The following ITCH variants were observed in gnomAD, a reference collection of about 807,000 sequenced individuals.
The protein encoded by ITCH is itchy E3 ubiquitin protein ligase.
Under a neutral mutation model 126.8 loss-of-function variants are expected in ITCH, and 28 were observed. The observed-to-expected ratio is 0.22, with a 90% CI of 0.16 to 0.30. The LOEUF (loss-of-function observed/expected upper bound fraction) is 0.30, where lower values mean the gene tolerates loss of function less well. Among genes scored for constraint, ITCH ranks in the 10% least tolerant of loss-of-function variants. The probability of loss-of-function intolerance (pLI) is 1.00; values close to 1 mark genes in which losing one functional copy is unlikely to be tolerated. For missense variants in ITCH, 631 were observed against 1,032.4 expected, an observed-to-expected ratio of 0.61 and a Z score of 5.33; for synonymous variants, 342 against 340.0, an observed-to-expected ratio of 1.01 and a Z score of -0.06.
intron 2 of ITCH, among the ~76,000 whole-genome samples, chr20:34,370,940 G>A (rs1336761365): frequency 2.0e-5 from 3 of 151,968 alleles, no homozygotes; most frequent in Admixed American, 6.6e-5. Context: ...AGGCCGAGGC[G>A]GGTGGATCAC....
chr20:34,501,802 A>G (rs2146556066), intron 23 of ITCH, among the ~76,000 whole-genome samples: 1 of 151,108 alleles, frequency 6.6e-6, no homozygotes, highest in Admixed American at 6.6e-5. Context: ...AAAGACAAGT[A>G]GTACTGGAAA....
At chr20:34,383,890 G>A (rs1217216786) in intron 2 of ITCH, among the ~76,000 whole-genome samples, 1 of 144,554 alleles carries the variant, frequency 6.9e-6, no homozygotes, top group African/African-American at 2.6e-5. Context: ...TGTTGTCTAG[G>A]CTGGAGTGCA....
chr20:34,457,053 A>G (rs991957894), intron 12 of ITCH, among the ~76,000 whole-genome samples: 6 of 152,112 alleles, frequency 3.9e-5, no homozygotes, highest in Admixed American at 1.3e-4. Flanking sequence ...CACCTACCCT[A>G]TGGGACTATT....
intron 2 of ITCH, among the ~76,000 whole-genome samples, chr20:34,372,076 G>A (rs2037652483): frequency 6.6e-6 from 1 of 151,956 alleles, no homozygotes; most frequent in Non-Finnish European, 1.5e-5. Flanking sequence ...GGAGGCTGAG[G>A]CGGGCGGATC....
At chr20:34,432,974 A>C (rs891847018) in intron 7 of ITCH, among the ~76,000 whole-genome samples, 1 of 151,444 alleles carries the variant, frequency 6.6e-6, no homozygotes, top group Non-Finnish European at 1.5e-5. Flanking sequence ...AAAAACAAAC[A>C]AACAAAAAAA....
chr20:34,440,618 G>A (rs749682613), intron 9 of ITCH, among the ~76,000 whole-genome samples: 6 of 151,874 alleles, frequency 4.0e-5, no homozygotes, highest in African/African-American at 9.7e-5. Context: ...TACCAAGCCC[G>A]GCTAATTTTT....
intron 3 of ITCH, among the ~76,000 whole-genome samples, chr20:34,405,773 A>T (rs1261482749): frequency 7.1e-6 from 1 of 141,602 alleles, no homozygotes; most frequent in East Asian, 2.1e-4. Flanking sequence ...GCTTTGATTT[A>T]ATAGTACTTT....
intron 13 of ITCH, among the ~76,000 whole-genome samples, chr20:34,461,760 G>A (rs1181571492): frequency 1.3e-5 from 2 of 149,992 alleles, no homozygotes; most frequent in Non-Finnish European, 3.0e-5. Context: ...GCCAGAGAAA[G>A]GATGGTGTTG....
At chr20:34,383,039 G>C (rs974756486) in intron 2 of ITCH, among the ~76,000 whole-genome samples, 2 of 151,830 alleles carry the variant, frequency 1.3e-5, no homozygotes, top group African/African-American at 4.8e-5. Context: ...ACCGCGCCCA[G>C]TCCTTTTTTA....
At chr20:34,413,245 G>A (rs780355289) in intron 5 of ITCH, among the ~76,000 whole-genome samples, 8 of 152,022 alleles carry the variant, frequency 5.3e-5, no homozygotes, top group African/African-American at 9.7e-5. Context: ...ATTTGTATAT[G>A]TATATTTATA....
chr20:34,429,614 A>G (rs985301933), intron 7 of ITCH, among the ~76,000 whole-genome samples: 1 of 152,210 alleles, frequency 6.6e-6, no homozygotes, highest in Admixed American at 6.5e-5. Context: ...AACAGATAGT[A>G]AAAACAGACT....
At chr20:34,440,838 G>A (rs138474189) in intron 9 of ITCH, among the ~76,000 whole-genome samples, 191 of 152,240 alleles carry the variant, frequency 1.3e-3, no homozygotes, top group Non-Finnish European at 1.6e-3. Context: ...TCAGGGCAAA[G>A]TGGAAAAATA....
At chr20:34,452,030 A>G (rs1354398294) in intron 12 of ITCH, among the ~76,000 whole-genome samples, 3 of 149,610 alleles carry the variant, frequency 2.0e-5, no homozygotes, top group Admixed American at 6.8e-5. Flanking sequence ...AGATTTTGCC[A>G]CTGTGCTTCA....
chr20:34,400,372 T>A (rs2038832772), intron 3 of ITCH, among the ~76,000 whole-genome samples: 1 of 152,100 alleles, frequency 6.6e-6, no homozygotes, highest in Admixed American at 6.6e-5. Flanking sequence ...TGACCTAGGA[T>A]TGCTGCTGTT....
intron 3 of ITCH, among the ~76,000 whole-genome samples, chr20:34,400,989 C>T (rs2038864328): frequency 6.6e-6 from 1 of 152,024 alleles, no homozygotes; most frequent in Non-Finnish European, 1.5e-5. Context: ...AAAATCCTGA[C>T]CTCAAGTGAT....
chr20:34,420,554 C>T (rs1329222756), intron 6 of ITCH, among the ~76,000 whole-genome samples: 1 of 152,126 alleles, frequency 6.6e-6, no homozygotes, highest in Non-Finnish European at 1.5e-5. Flanking sequence ...CATTTGTGTA[C>T]AAGGTTCTGT....
chr20:34,404,693 G>A (rs1218687233), intron 3 of ITCH, among the ~76,000 whole-genome samples: 9 of 152,114 alleles, frequency 5.9e-5, no homozygotes, highest in Admixed American at 5.9e-4. Context: ...GATTACAGGT[G>A]TGAGCCACCA....
intron 14 of ITCH, among the ~76,000 whole-genome samples, chr20:34,469,069 G>A (rs1030902622): frequency 2.0e-5 from 3 of 152,064 alleles, no homozygotes; most frequent in Admixed American, 6.6e-5. Context: ...GAAACCCCAT[G>A]GTGTCATAGT....
chr20:34,450,378 A>G (rs1010215716), intron 12 of ITCH, among the ~76,000 whole-genome samples: 11 of 152,214 alleles, frequency 7.2e-5, no homozygotes, highest in African/African-American at 2.2e-4. Context: ...ATCTGATAGA[A>G]GAGTGGAAGG....
Sources: gnomAD v4.1 joint callset for allele counts (sites outside exome capture counted in the v4.1 genomes callset) on GRCh38, gnomAD v4.1.1 for gene constraint, MANE v1.5 for transcripts, NCBI Gene and HGNC (gene_info 2026-07-23, HGNC 2026-07-21) for gene names.